The following DENND5A variants were observed in gnomAD, a reference collection of about 807,000 sequenced individuals.
DENND5A encodes the protein DENN domain-containing protein 5A.
A neutral mutation model predicts 140.3 loss-of-function variants in DENND5A; 64 were observed. The ratio of observed to expected loss-of-function variants is 0.46; its 90% CI spans 0.37 to 0.56. The LOEUF is 0.56. Ranked by LOEUF, DENND5A falls within the 20% of genes least tolerant of loss-of-function variation. The probability of loss-of-function intolerance (pLI) is 0.00; values close to 1 mark genes in which losing one functional copy is unlikely to be tolerated. For missense variants in DENND5A, 1,292 were observed against 1,593.8 expected, an observed-to-expected ratio of 0.81 and a Z score of 3.22; for synonymous variants, 605 against 607.7, an observed-to-expected ratio of 1.00 and a Z score of 0.07.
chr11:9,237,908 C>T (rs1250919318), intron 1 of DENND5A, among the ~76,000 whole-genome samples: 3 of 152,082 alleles, frequency 2.0e-5, no homozygotes, highest in African/African-American at 7.2e-5. Context: ...TTCTTGGATT[C>T]ACCAAAGTCC....
At chr11:9,156,854 GGGATGGAAGGAT>G (rs1306613578) in intron 12 of DENND5A, among the ~76,000 whole-genome samples, 2 of 136,330 alleles carry the variant, frequency 1.5e-5, no homozygotes, top group South Asian at 2.4e-4. Context: ...GAGGGACAGA[GGGATGGAAGGAT>G]GGATGGAAGG....
intron 19 of DENND5A, 44 bp downstream of exon 19, chr11:9,144,053 C>T: frequency 6.3e-7 from 1 of 1,589,074 alleles, no homozygotes; most frequent in East Asian, 2.2e-5. Flanking sequence ...CCACCCATTC[C>T]CTAGACTGTA....
intron 11 of DENND5A, 91 bp from the exon 12 acceptor site, chr11:9,160,956 T>C: frequency 7.7e-7 from 1 of 1,297,154 alleles, no homozygotes; most frequent in East Asian, 2.3e-5. Flanking sequence ...ACAGTACATC[T>C]GTTGGGCTGG....
At chr11:9,208,603 A>G (rs1264938282) in intron 1 of DENND5A, among the ~76,000 whole-genome samples, 2 of 152,180 alleles carry the variant, frequency 1.3e-5, no homozygotes, top group Non-Finnish European at 2.9e-5. Context: ...TATAACTACA[A>G]TCTCTCCTCT....
chr11:9,165,235 C>T (rs992654520), intron 11 of DENND5A, among the ~76,000 whole-genome samples: 11 of 151,962 alleles, frequency 7.2e-5, no homozygotes, highest in African/African-American at 2.7e-4. Context: ...CTCCTGACCT[C>T]GTGATCTGCC....
intron 15 of DENND5A, among the ~76,000 whole-genome samples, chr11:9,148,356 G>C (rs1779465123): frequency 6.6e-6 from 1 of 151,844 alleles, no homozygotes; most frequent in Non-Finnish European, 1.5e-5. Flanking sequence ...AAAAAAAAAG[G>C]CTATTCAAAT....
intron 1 of DENND5A, among the ~76,000 whole-genome samples, chr11:9,258,236 A>G (rs1852035063): frequency 6.6e-6 from 1 of 152,024 alleles, no homozygotes; most frequent in South Asian, 2.1e-4. Flanking sequence ...TCAACCAGTC[A>G]CCTACATTAG....
intron 17 of DENND5A, chr11:9,145,449 C>T: frequency 1.6e-6 from 1 of 607,354 alleles, no homozygotes; most frequent in Non-Finnish European, 2.9e-6. Flanking sequence ...ATGTGCATGT[C>T]CAGACAAGTA....
rs957160181 is a variant in DENND5A at position 9,196,708 on chromosome 11, T to G, written c.950-3027A>C. ...TCACTGCAACCTCTGTCTCCTGGGT[T>G]CAAGTGATTCTCGTGCCTCAGCCTC... On this transcript the variant is annotated intron_variant, in intron 4 of 22. Transcript: ENST00000328194. Among the ~76,000 whole-genome samples, 4 of 152,176 alleles carry G rather than the reference T, an allele frequency of 2.6e-5. No individual in the cohort carries two copies. The East Asian group carries it at 5.8e-4, about 22-fold the overall frequency.
At chr11:9,188,490 G>C (rs1329941958) in intron 5 of DENND5A, among the ~76,000 whole-genome samples, 1 of 152,214 alleles carries the variant, frequency 6.6e-6, no homozygotes, top group South Asian at 2.1e-4. Context: ...ACAGTTTGGA[G>C]GGATCAGGAG....
intron 1 of DENND5A, among the ~76,000 whole-genome samples, chr11:9,233,681 C>T (rs940563241): frequency 6.6e-6 from 1 of 151,964 alleles, no homozygotes; most frequent in Admixed American, 6.6e-5. Context: ...ACAGAAGCAG[C>T]GATTAGGGTG....
intron 13 of DENND5A, among the ~76,000 whole-genome samples, 160 bp downstream of exon 13, chr11:9,152,198 C>T (rs1196629911): frequency 6.6e-6 from 1 of 152,190 alleles, no homozygotes; most frequent in African/African-American, 2.4e-5. Flanking sequence ...TTTTGGTATG[C>T]TCTGTGGTTC....
chr11:9,178,370 G>C lies in DENND5A; in HGVS notation c.1672-4C>G, dbSNP rs758412383. Reference sequence around the variant, plus strand: ...GCTGATCTGACAGAAAAGATGCCTGGTGGGACCAAAAAGAAGCAGTAATTG... The same window carrying C: ...GCTGATCTGACAGAAAAGATGCCTGCTGGGACCAAAAAGAAGCAGTAATTG... On this transcript the variant is annotated splice_region_variant and splice_polypyrimidine_tract_variant and intron_variant, in intron 7 of 22. Coordinates refer to ENST00000328194, the MANE Select transcript of DENND5A (RefSeq NM_015213.4). The C allele has an allele frequency of 6.3e-7, 1 of 1,585,294 alleles. No homozygotes were observed. The highest frequency in any genetic ancestry group is 1.1e-5 in the South Asian group (1 of 90,376).
chr11:9,143,352 A>C, intron 20 of DENND5A, 51 bp downstream of exon 20: 16 of 1,462,292 alleles, frequency 1.1e-5, no homozygotes, highest in Non-Finnish European at 1.4e-5. Context: ...AAACAAAATT[A>C]TTCTCTCTTA....
intron 12 of DENND5A, among the ~76,000 whole-genome samples, chr11:9,153,606 G>A (rs12286174): frequency 0.023 from 3,528 of 152,224 alleles, 154 homozygotes; most frequent in African/African-American, 0.081. Context: ...CTGTTAAGTG[G>A]GGGAAACTGT....
rs147506716 is a variant in DENND5A, at chr11:9,236,029, C to G, written c.110-28397G>C. ...GACAAGACAAGAGGACTGCTTGAGA[C>G]CAGGAGGTCAAGACCAGCCTAAGCA... On this transcript the variant is annotated intron_variant, in intron 1 of 22. Coordinates refer to ENST00000328194, the MANE Select transcript of DENND5A (RefSeq NM_015213.4). 7.0e-3 allele frequency among the ~76,000 whole-genome samples: 1,068 copies of G among 151,924 alleles called. 8 individuals carry two copies. Among genetic ancestry groups the G allele is most frequent in the South Asian group, 0.011 (55 of 4,794 alleles).
intron 4 of DENND5A, among the ~76,000 whole-genome samples, chr11:9,199,376 A>G (rs1312871073): frequency 6.6e-6 from 1 of 152,094 alleles, no homozygotes; most frequent in Non-Finnish European, 1.5e-5. Flanking sequence ...ACATGCCTGT[A>G]GTCCCAGCTA....
intron 11 of DENND5A, among the ~76,000 whole-genome samples, chr11:9,164,194 ATTTTTTTTTTTTTTT>A (rs779522112): frequency 0.077 from 6,055 of 78,906 alleles, 309 homozygotes; most frequent in South Asian, 0.13. Context: ...ACCACGCCTA[ATTTTTTTTTTTTTTT>A]TTTTTTTTTT....
At chr11:9,217,901 T>C (rs1426174040) in intron 1 of DENND5A, among the ~76,000 whole-genome samples, 1 of 152,238 alleles carries the variant, frequency 6.6e-6, no homozygotes, top group African/African-American at 2.4e-5. Context: ...AGATAAAAGA[T>C]ATGCAGAGAT....
Sources: gnomAD v4.1 joint callset for allele counts (sites outside exome capture counted in the v4.1 genomes callset) on GRCh38, gnomAD v4.1.1 for gene constraint, MANE v1.5 for transcripts, NCBI Gene and HGNC (gene_info 2026-07-23, HGNC 2026-07-21) for gene names.